THSD4: variants seen among roughly 807,000 people sequenced by gnomAD.
THSD4 encodes thrombospondin type 1 domain containing 4, also known as thrombospondin type-1 domain-containing protein 4.
A neutral mutation model predicts 119.0 loss-of-function variants in THSD4; 69 were observed. The ratio of observed to expected loss-of-function variants is 0.58; its 90% CI spans 0.48 to 0.71. THSD4 has a LOEUF of 0.71. THSD4 is among the 30% of genes least tolerant of loss of function. The pLI is 0.00. For missense variants in THSD4, 1,393 were observed against 1,391.1 expected (o/e 1.00, Z -0.02); for synonymous variants, 524 against 540.4 (o/e 0.97, Z 0.42).
intron 15 of THSD4, among the ~76,000 whole-genome samples, chr15:71,762,334 T>C (rs2053641072): frequency 1.3e-5 from 2 of 152,238 alleles, no homozygotes; most frequent in African/African-American, 4.8e-5. Flanking sequence ...TAGCAGAAGA[T>C]AACTACAAGT....
intron 7 of THSD4, among the ~76,000 whole-genome samples, chr15:71,640,902 G>A (rs988083048): frequency 1.3e-5 from 2 of 151,686 alleles, no homozygotes; most frequent in Non-Finnish European, 1.5e-5. Flanking sequence ...CTAGGCACAC[G>A]GTCGATGTTT....
At chr15:71,119,441 C>T (rs113060011) in intron 1 of THSD4, among the ~76,000 whole-genome samples, 24 of 152,284 alleles carry the variant, frequency 1.6e-4, no homozygotes, top group East Asian at 1.4e-3. Context: ...TGGGTTAATA[C>T]GCCACTTTAT....
chr15:71,737,820 G>T lies in THSD4; in HGVS notation c.1719G>T (p.Leu573Phe), dbSNP rs754692713. Residue 573 changes from leucine to phenylalanine, a missense_variant, in exon 11 of 18, where the codon TTG becomes TTT. Transcript: ENST00000261862. ...GGAGGAACGAGGAGAAGGAAGACTTGCGTGGGGAGGCCCCTGAGATGTTCA... is the reference window on the plus strand; with the variant it reads ...GGAGGAACGAGGAGAAGGAAGACTTTCGTGGGGAGGCCCCTGAGATGTTCA... ...QKGRNEEKED[L>F]RGEAPEMFTS... is the part of the protein sequence containing the mutation. 6.2e-7 allele frequency: 1 copy of T among 1,614,274 alleles called. No homozygotes were observed. The highest frequency in any genetic ancestry group is 1.1e-5 in the South Asian group (1 of 91,088).
chr15:71,515,600 G>A (rs754014597), intron 7 of THSD4, among the ~76,000 whole-genome samples: 16 of 152,114 alleles, frequency 1.1e-4, no homozygotes, highest in African/African-American at 2.4e-4. Context: ...ATAAATCTTC[G>A]GCTATTTAAA....
At chr15:71,209,909 G>A (rs1233614817) in intron 3 of THSD4, among the ~76,000 whole-genome samples, 1 of 152,070 alleles carries the variant, frequency 6.6e-6, no homozygotes, top group Non-Finnish European at 1.5e-5. Flanking sequence ...TTCTTCTCTT[G>A]TCTTCTCTTC....
Position 71,097,726 on chromosome 15 carries a change from ATATTT to A in THSD4, c.-80+722_-80+726del, listed in dbSNP as rs1247501961. Among the ~76,000 whole-genome samples the A allele has an allele frequency of 3.9e-3, 521 of 133,144 alleles. 5 individuals are homozygous for A. The highest frequency in any genetic ancestry group is 0.014 in the African/African-American group (508 of 35,600). 87.3% of individuals were successfully genotyped at this position (133,144 alleles called of 152,430 possible). ...GAAAGATGTATATATATATATATAT[ATATTT>A]TTTTTTTTAAGTCCAAAGCAAACTC... On this transcript the variant is annotated intron_variant, in intron 1 of 17. Transcript: ENST00000355327.
At chr15:71,459,982 A>G (rs1335827027) in intron 7 of THSD4, among the ~76,000 whole-genome samples, 1 of 152,304 alleles carries the variant, frequency 6.6e-6, no homozygotes, top group East Asian at 1.9e-4. Context: ...CAAAGTTACC[A>G]GCGGTCTCTA....
chr15:71,214,614 A>G (rs1202637863), intron 3 of THSD4, among the ~76,000 whole-genome samples: 1 of 152,242 alleles, frequency 6.6e-6, no homozygotes, highest in Admixed American at 6.5e-5. Context: ...AATCATAGGC[A>G]GTCTGGCTCT....
At position 71,780,573 on chromosome 15, in the gene THSD4, G is replaced by T; in HGVS notation, c.*3199G>T. ...AAAAGCCATTTAAAGCCAGCCACTAGAGGGAGTCAGTTCAGTTCCGTAAAG... is the reference window on the plus strand; with the variant it reads ...AAAAGCCATTTAAAGCCAGCCACTATAGGGAGTCAGTTCAGTTCCGTAAAG... On this transcript the variant is annotated 3_prime_UTR_variant, in exon 18 of 18. Transcript: ENST00000261862. The T allele has an allele frequency of 2.6e-6, 1 of 384,004 alleles. No individual in the cohort carries two copies. The highest frequency in any genetic ancestry group is 5.2e-6 in the Non-Finnish European group (1 of 192,624). 23.8% of individuals were successfully genotyped at this position (384,004 alleles called of 1,614,324 possible). A position where few individuals can be genotyped will look rare whatever the true frequency, so the allele number is the denominator to read the frequency against.
At chr15:71,162,937 A>G (rs2043260436) in intron 3 of THSD4, among the ~76,000 whole-genome samples, 1 of 151,844 alleles carries the variant, frequency 6.6e-6, no homozygotes. Flanking sequence ...TGTATGTTTT[A>G]ATTCATTCAT....
chr15:71,101,963 T>C (rs1300406306), intron 1 of THSD4, among the ~76,000 whole-genome samples: 2 of 152,144 alleles, frequency 1.3e-5, no homozygotes, highest in Non-Finnish European at 2.9e-5. Flanking sequence ...ATCCGCCCCC[T>C]TGGCCGCCCA....
intron 7 of THSD4, among the ~76,000 whole-genome samples, chr15:71,608,136 T>C (rs922167660): frequency 6.6e-6 from 1 of 151,214 alleles, no homozygotes; most frequent in African/African-American, 2.4e-5. Context: ...GGCAGGAGAA[T>C]TGTTTGAACC....
At chr15:71,192,535 C>T (rs922431530) in intron 3 of THSD4, among the ~76,000 whole-genome samples, 2 of 152,140 alleles carry the variant, frequency 1.3e-5, no homozygotes, top group Admixed American at 1.3e-4. Context: ...TTGCCTTGGC[C>T]TCCCAACGTG....
At chr15:71,714,823 G>A (rs895693307) in intron 8 of THSD4, among the ~76,000 whole-genome samples, 10 of 152,062 alleles carry the variant, frequency 6.6e-5, no homozygotes, top group East Asian at 1.9e-4. Flanking sequence ...CAACAAAACC[G>A]CTGCAACACA....
At chr15:71,629,916 T>C (rs749770479) in intron 7 of THSD4, among the ~76,000 whole-genome samples, 1 of 152,192 alleles carries the variant, frequency 6.6e-6, no homozygotes, top group African/African-American at 2.4e-5. Context: ...TCTGGAACCC[T>C]TGGAGGCGCC....
chr15:71,236,799 A>G (rs2044109236), intron 4 of THSD4, among the ~76,000 whole-genome samples: 1 of 152,322 alleles, frequency 6.6e-6, no homozygotes, highest in Middle Eastern at 3.4e-3. Context: ...AATAAGCATA[A>G]TAGAAGATTG....
intron 7 of THSD4, among the ~76,000 whole-genome samples, chr15:71,500,227 A>G (rs545212919): frequency 1.3e-5 from 2 of 152,140 alleles, no homozygotes; most frequent in South Asian, 2.1e-4. Flanking sequence ...TATTTCCTTG[A>G]TAATTAATTT....
intron 7 of THSD4, among the ~76,000 whole-genome samples, chr15:71,581,053 T>C (rs1404136845): frequency 6.6e-6 from 1 of 152,146 alleles, no homozygotes; most frequent in African/African-American, 2.4e-5. Flanking sequence ...AGGTAATGAT[T>C]TCATTTCCTT....
At chr15:71,440,803 A>G (rs1046153230) in intron 7 of THSD4, among the ~76,000 whole-genome samples, 3 of 152,200 alleles carry the variant, frequency 2.0e-5, no homozygotes, top group African/African-American at 7.2e-5. Context: ...AAGTGGAGTC[A>G]TTGGGGCAAT....
Sources: gnomAD v4.1 joint callset for allele counts (sites outside exome capture counted in the v4.1 genomes callset) on GRCh38, gnomAD v4.1.1 for gene constraint, MANE v1.5 for transcripts, NCBI Gene and HGNC (gene_info 2026-07-23, HGNC 2026-07-21) for gene names.